CAMK2D: variants seen among roughly 807,000 people sequenced by gnomAD.
The protein encoded by CAMK2D is calcium/calmodulin-dependent protein kinase type II subunit delta.
Under a neutral mutation model 84.0 loss-of-function variants are expected in CAMK2D, and 37 were observed. The observed-to-expected ratio is 0.44, with a 90% CI of 0.34 to 0.58. The LOEUF is 0.58. Among genes scored for constraint, CAMK2D ranks in the 20% least tolerant of loss-of-function variants. CAMK2D has a pLI of 0.02. For missense variants in CAMK2D, 448 were observed against 652.5 expected, an observed-to-expected ratio of 0.69 and a Z score of 3.41; for synonymous variants, 202 against 212.5, an observed-to-expected ratio of 0.95 and a Z score of 0.43.
At chr4:113,706,163 A>C (rs1283592774) in intron 2 of CAMK2D, among the ~76,000 whole-genome samples, 1 of 152,210 alleles carries the variant, frequency 6.6e-6, no homozygotes, top group Non-Finnish European at 1.5e-5. Flanking sequence ...AGAAAAGCTA[A>C]CATCTATCAA....
chr4:113,593,414 C>G (rs35062297), intron 4 of CAMK2D, among the ~76,000 whole-genome samples: 4 of 151,916 alleles, frequency 2.6e-5, no homozygotes, highest in Non-Finnish European at 4.4e-5. Context: ...CTCCTCTGAA[C>G]CATCATGAGG....
At chr4:113,749,718 T>C (rs953763453) in intron 2 of CAMK2D, among the ~76,000 whole-genome samples, 1 of 152,192 alleles carries the variant, frequency 6.6e-6, no homozygotes, top group Non-Finnish European at 1.5e-5. Flanking sequence ...AGCCACTTTA[T>C]AATACATGGT....
rs114831100 is a variant in CAMK2D at position 113,672,292 on chromosome 4, C to T, written c.161-10520G>A. Among the ~76,000 whole-genome samples the T allele has an allele frequency of 7.0e-3, 1,068 of 152,224 alleles. 7 individuals carry two copies. Among genetic ancestry groups the T allele is most frequent in the Non-Finnish European group, 0.013 (894 of 67,996 alleles). On this transcript the variant is annotated intron_variant, in intron 2 of 20. Transcript: ENST00000511664. ...AAGGTAAAGAAATTGGCTTCCAGTA[C>T]AGACTCTGCCAAGAATGACAAAAAA...
chr4:113,615,627 C>T (rs777810535), intron 3 of CAMK2D, among the ~76,000 whole-genome samples: 1 of 151,812 alleles, frequency 6.6e-6, no homozygotes, highest in Non-Finnish European at 1.5e-5. Context: ...TTTCATTTTC[C>T]CAGTATAAAA....
chr4:113,591,778 A>T (rs1172144772), intron 4 of CAMK2D, among the ~76,000 whole-genome samples: 1 of 152,102 alleles, frequency 6.6e-6, no homozygotes, highest in Non-Finnish European at 1.5e-5. Flanking sequence ...GCCTTTGCAC[A>T]TGTTGTTCTT....
chr4:113,548,678 G>A, intron 5 of CAMK2D: 1 of 1,571,000 alleles, frequency 6.4e-7, no homozygotes, highest in Non-Finnish European at 8.8e-7. Context: ...TGTGAACTAT[G>A]CCATTTAGGT....
intron 2 of CAMK2D, among the ~76,000 whole-genome samples, chr4:113,684,217 G>C (rs992120): frequency 9.2e-5 from 14 of 152,280 alleles, no homozygotes; most frequent in African/African-American, 3.1e-4. Flanking sequence ...AATGAAAATT[G>C]TATCTGTAAA....
At chr4:113,643,308 C>A (rs145917174) in intron 3 of CAMK2D, among the ~76,000 whole-genome samples, 288 of 152,242 alleles carry the variant, frequency 1.9e-3, no homozygotes, top group Middle Eastern at 6.8e-3. Context: ...AGGGCAGAAG[C>A]ACTAGTGTAG....
intron 2 of CAMK2D, among the ~76,000 whole-genome samples, chr4:113,735,290 A>G (rs71604988): frequency 7.5e-5 from 2 of 26,780 alleles, no homozygotes; most frequent in Middle Eastern, 0.016. Context: ...TCTCTACAGG[A>G]AAAAAAAAAA....
chr4:113,562,300 T>C (rs1466850803), intron 4 of CAMK2D, among the ~76,000 whole-genome samples: 1 of 152,188 alleles, frequency 6.6e-6, no homozygotes, highest in Admixed American at 6.5e-5. Flanking sequence ...AGCAGAGGCA[T>C]GCCACATGCA....
intron 2 of CAMK2D, chr4:113,754,724 G>A: frequency 1.0e-6 from 1 of 979,486 alleles, no homozygotes; most frequent in Non-Finnish European, 1.2e-6. Context: ...GTTCTGAAGA[G>A]CAGTAATGCT....
chr4:113,596,122 G>A (rs1044786859), intron 4 of CAMK2D, among the ~76,000 whole-genome samples: 5 of 152,188 alleles, frequency 3.3e-5, no homozygotes, highest in Admixed American at 1.3e-4. Flanking sequence ...TTCACTAGGA[G>A]TAGATTCCAT....
At position 113,492,151 on chromosome 4, in the gene CAMK2D, C is replaced by T. The variant is rs867899894; in HGVS notation, c.1135+8312G>A. ...TGTGTCTCTATTTCCTTCAGTTCTG[C>T]TCTGATTTTAGTTATTTCTTGCCTT... is the stretch of plus-strand genomic sequence containing the variant. On this transcript the variant is annotated intron_variant, in intron 16 of 20. Transcript: ENST00000511664. Among the ~76,000 whole-genome samples the T allele has an allele frequency of 9.4e-3, 1,427 of 151,994 alleles. 27 individuals carry two copies. Among genetic ancestry groups the T allele is most frequent in the African/African-American group, 0.033 (1,352 of 41,440 alleles).
intron 16 of CAMK2D, among the ~76,000 whole-genome samples, chr4:113,466,899 T>TTA (rs2097479971): frequency 6.6e-6 from 1 of 152,222 alleles, no homozygotes; most frequent in Non-Finnish European, 1.5e-5. Flanking sequence ...AAACTTTCTG[T>TTA]ACTGTGTAAT....
chr4:113,665,889 G>A (rs1017825608), intron 2 of CAMK2D, among the ~76,000 whole-genome samples: 2 of 152,186 alleles, frequency 1.3e-5, no homozygotes, highest in African/African-American at 4.8e-5. Context: ...CATGAAGTCA[G>A]CGGGGGAATA....
rs539272518 is a variant in CAMK2D, at chr4:113,498,230, T to G, written c.1135+2233A>C. On this transcript the variant is annotated intron_variant, in intron 16 of 20. Coordinates refer to ENST00000511664, the MANE Select transcript of CAMK2D (RefSeq NM_001321571.2). ...AGGGTCTTTCTTGAGGACCATGCACTGATAAATGGAGAGATTCCCACACAA... is the reference window on the plus strand; with the variant it reads ...AGGGTCTTTCTTGAGGACCATGCACGGATAAATGGAGAGATTCCCACACAA... Among the ~76,000 whole-genome samples the G allele has an allele frequency of 5.1e-4, 77 of 152,304 alleles. 1 individual carries two copies. The highest frequency in any genetic ancestry group is 5.0e-3 in the Admixed American group (77 of 15,294).
chr4:113,563,177 C>T (rs369049347), intron 4 of CAMK2D, among the ~76,000 whole-genome samples: 1 of 152,092 alleles, frequency 6.6e-6, no homozygotes, highest in South Asian at 2.1e-4. Flanking sequence ...TTGCTTGAAC[C>T]TGGTAGGTGG....
chr4:113,595,227 A>G (rs887421790), intron 4 of CAMK2D, among the ~76,000 whole-genome samples: 1 of 152,194 alleles, frequency 6.6e-6, no homozygotes, highest in African/African-American at 2.4e-5. Flanking sequence ...AAACAAAAAG[A>G]AACTGTAGAC....
chr4:113,661,777 T>TAAAA lies in CAMK2D; in HGVS notation c.161-9_161-6dup. ...CTCTTTCTAGTTTCTGATGATCTGTTAAAAAAAAAAACAGAATAAGGCAAA... is the reference window on the plus strand; with the variant it reads ...CTCTTTCTAGTTTCTGATGATCTGTTAAAAAAAAAAAAAAACAGAATAAGGCAAA... On this transcript the variant is annotated splice_region_variant and splice_polypyrimidine_tract_variant and intron_variant, in intron 2 of 20. Transcript: ENST00000511664. 1 of 1,210,360 alleles carries TAAAA rather than the reference T, an allele frequency of 8.3e-7. No individual in the cohort carries two copies. The highest frequency in any genetic ancestry group is 1.1e-6 in the Non-Finnish European group (1 of 897,220). The allele number at this position is 1,210,360 out of a possible 1,614,324, so 75.0% of individuals were successfully genotyped here.
Sources: gnomAD v4.1 joint callset for allele counts (sites outside exome capture counted in the v4.1 genomes callset) on GRCh38, gnomAD v4.1.1 for gene constraint, MANE v1.5 for transcripts, NCBI Gene and HGNC (gene_info 2026-07-23, HGNC 2026-07-21) for gene names.